The following SLC36A3 variants were observed in gnomAD, a reference collection of about 807,000 sequenced individuals.
SLC36A3 encodes solute carrier family 36 member 3, also known as proton-coupled amino acid transporter 3.
SLC36A3 carries 35 observed loss-of-function variants against 44.3 expected under a neutral mutation model. The observed-to-expected ratio is 0.79, with a 90% confidence interval of 0.60 to 1.05. The LOEUF is 1.05. SLC36A3 is among the 50% of genes least tolerant of loss of function. SLC36A3 has a pLI of 0.00. For missense variants in SLC36A3, 540 were observed against 578.7 expected (o/e 0.93, Z 0.69); for synonymous variants, 211 against 227.6 (o/e 0.93, Z 0.66).
intron 6 of SLC36A3, among the ~76,000 whole-genome samples, chr5:151,285,439 C>T (rs1382740574): frequency 6.6e-6 from 1 of 152,178 alleles, no homozygotes; most frequent in African/African-American, 2.4e-5. Flanking sequence ...ATTCAGGTCT[C>T]CTGTTTCCCA....
chr5:151,276,970 T>C lies in SLC36A3; in HGVS notation c.*423A>G. 1.1e-5 allele frequency: 2 copies of C among 183,838 alleles called. 1 individual carries two copies. Among genetic ancestry groups the C allele is most frequent in the Non-Finnish European group, 2.3e-5 (2 of 85,910 alleles). The allele number at this position is 183,838 out of a possible 1,614,324, so 11.4% of individuals were successfully genotyped here. A position where few individuals can be genotyped will look rare whatever the true frequency, so the allele number is the denominator to read the frequency against. On this transcript the variant is annotated 3_prime_UTR_variant, in exon 10 of 10. Coordinates refer to ENST00000335230, the MANE Select transcript of SLC36A3 (RefSeq NM_181774.4). ...GTTTTTGTTCTGTCTATGACTCTTC[T>C]ACTTAGAATATCTAAATAGAAAACT...
chr5:151,277,507 G>C lies in SLC36A3; in HGVS notation c.1299C>G (p.Ile433Met). The change falls in exon 10 of 10, where the codon ATC (isoleucine) becomes ATG (methionine). Residue 433 changes from isoleucine to methionine, a missense_variant. Ile to Met is a conservative substitution (Grantham distance 10). Transcript: ENST00000335230. ...CTAAAAGGCCCACGATGCTAATCAT[G>C]ATGTCCTTGGCAATGGTGACACAGC... ...DMSCVTIAKD[I>M]MISIVGLLGC... The C allele has an allele frequency of 3.1e-6, 5 of 1,614,208 alleles. 1 individual carries two copies. The South Asian group carries it at 3.3e-5, about 11-fold the overall frequency.
In SLC36A3 at chr5:151,288,376, G is replaced by C; in HGVS notation, c.489+10C>G. ...TTTTCCCCCACTCTGCCCAGAAGAG[G>C]GCTCTTTACCTGTTGTAAATTGTCT... On this transcript the variant is annotated intron_variant, in intron 5 of 9. Transcript: ENST00000335230. 1 of 1,589,964 alleles carries C rather than the reference G, an allele frequency of 6.3e-7. No individual in the cohort carries two copies. Among genetic ancestry groups the C allele is most frequent in the Non-Finnish European group, 8.6e-7 (1 of 1,167,476 alleles).
At position 151,283,929 on chromosome 5, in the gene SLC36A3, C is replaced by G. The variant is rs1754428584; in HGVS notation, c.974+115G>C. The G allele has an allele frequency of 1.3e-5, 17 of 1,317,672 alleles. 1 individual carries two copies. In the South Asian group the frequency reaches 2.8e-4, roughly 21 times the overall value. The allele number at this position is 1,317,672 out of a possible 1,614,324, so 81.6% of individuals were successfully genotyped here. ...CAGTGTGAGCAGGAGAGACATATGTCACTTCCAGTGATGGATTACCAGCTT... is the reference window on the plus strand; with the variant it reads ...CAGTGTGAGCAGGAGAGACATATGTGACTTCCAGTGATGGATTACCAGCTT... On this transcript the variant is annotated intron_variant, in intron 8 of 9. Transcript: ENST00000335230.
intron 2 of SLC36A3, chr5:151,297,282 C>T (rs536706906): frequency 6.6e-6 from 1 of 152,296 alleles, no homozygotes; most frequent in East Asian, 1.9e-4. Context: ...AGAATAAAAG[C>T]ATTGTCTTAA....
rs773570995 is a variant in SLC36A3, at chr5:151,287,286, G to A, written c.668C>T (p.Thr223Ile). The change falls in exon 6 of 10, where the codon ACC (threonine) becomes ATC (isoleucine). Residue 223 changes from threonine to isoleucine, a missense_variant. Transcript: ENST00000335230. ...AAAGATCAGAGCCATGCTCCCAAGG[G>A]TGGTGATGTTGGCCAATGTCGAGAA... Reference protein sequence around the residue: ...SVFSTLANITTLGSMALIFEY... With the variant: ...SVFSTLANITILGSMALIFEY... 3.1e-6 allele frequency: 5 copies of A among 1,614,178 alleles called. No homozygotes were observed. The highest frequency in any genetic ancestry group is 1.7e-5 in the Admixed American group (1 of 60,024).
chr5:151,285,556 A>G (rs1382915829), intron 6 of SLC36A3, among the ~76,000 whole-genome samples: 1 of 152,214 alleles, frequency 6.6e-6, no homozygotes, highest in Non-Finnish European at 1.5e-5. Flanking sequence ...ATAGATTTCT[A>G]TGGTGGGTAG....
intron 5 of SLC36A3, among the ~76,000 whole-genome samples, chr5:151,288,097 A>G (rs1754612777): frequency 6.6e-6 from 1 of 152,226 alleles, no homozygotes; most frequent in Admixed American, 6.5e-5. Flanking sequence ...AGATACTCAA[A>G]GTAAATGTCA....
chr5:151,286,097 G>C (rs1008267673), intron 6 of SLC36A3, among the ~76,000 whole-genome samples: 2 of 152,188 alleles, frequency 1.3e-5, no homozygotes, highest in African/African-American at 4.8e-5. Flanking sequence ...TGTGATAATG[G>C]AGCATGGACA....
chr5:151,291,811 T>C (rs1441249594), intron 4 of SLC36A3, among the ~76,000 whole-genome samples: 3 of 152,158 alleles, frequency 2.0e-5, no homozygotes, highest in Admixed American at 6.6e-5. Flanking sequence ...CTCTAACAGC[T>C]TGAGCATCCA....
chr5:151,286,491 CTA>C (rs1754539696), intron 6 of SLC36A3, among the ~76,000 whole-genome samples: 1 of 152,064 alleles, frequency 6.6e-6, no homozygotes, highest in South Asian at 2.1e-4. Context: ...CAGGATTTTG[CTA>C]TGTTGTCCAG....
At chr5:151,296,118 G>T (rs765775509) in intron 3 of SLC36A3, 62 bp downstream of exon 3, 36 of 1,517,792 alleles carry the variant, frequency 2.4e-5, no homozygotes, top group Non-Finnish European at 3.3e-5. Context: ...GTGGTCAAAA[G>T]AAGAGCAACA....
In SLC36A3 at chr5:151,277,281, A is replaced by G. The variant is rs1754121864; in HGVS notation, c.*112T>C. On this transcript the variant is annotated 3_prime_UTR_variant, in exon 10 of 10. Transcript: ENST00000335230. The stretch of plus-strand genomic sequence containing the variant: ...CTGCATTTCTCTTGGAAAGATAAAG[A>G]CGCCACTAATTAATATAGAGATGTT... The G allele has an allele frequency of 7.4e-7, 1 of 1,357,054 alleles. No individual in the cohort carries two copies. The highest frequency in any genetic ancestry group is 1.4e-5 in the South Asian group (1 of 71,440). The allele number at this position is 1,357,054 out of a possible 1,614,324, so 84.1% of individuals were successfully genotyped here.
intron 1 of SLC36A3, among the ~76,000 whole-genome samples, chr5:151,303,002 G>A (rs1225115457): frequency 1.3e-5 from 2 of 152,172 alleles, no homozygotes; most frequent in Non-Finnish European, 2.9e-5. Flanking sequence ...CTCATGTTGA[G>A]GGTGGCTGCT....
At chr5:151,280,769 T>G (rs1229540519) in intron 9 of SLC36A3, among the ~76,000 whole-genome samples, 1 of 152,222 alleles carries the variant, frequency 6.6e-6, no homozygotes, top group Non-Finnish European at 1.5e-5. Flanking sequence ...TGAATGATAC[T>G]TCTTCTACAA....
chr5:151,291,420 T>A (rs1754754375), intron 4 of SLC36A3, among the ~76,000 whole-genome samples: 1 of 152,266 alleles, frequency 6.6e-6, no homozygotes, highest in African/African-American at 2.4e-5. Flanking sequence ...TTTAAACTGC[T>A]ACATTCCCCT....
In SLC36A3 at chr5:151,298,398, G is replaced by A. The variant is rs375301276; in HGVS notation, c.219+195C>T. The A allele has an allele frequency of 1.0e-5, 6 of 577,750 alleles. No homozygotes were observed. In the East Asian group the frequency reaches 1.7e-4, roughly 17 times the overall value. 35.8% of individuals were successfully genotyped at this position (577,750 alleles called of 1,614,324 possible). On this transcript the variant is annotated intron_variant, in intron 2 of 9. Coordinates refer to ENST00000335230, the MANE Select transcript of SLC36A3 (RefSeq NM_181774.4). ...AGATGAGCATGGTGAGTCTTTAAGA[G>A]TAATGGTGTGCCCCCTTCAGGGATG...
chr5:151,279,822 C>A (rs116567131), intron 9 of SLC36A3, among the ~76,000 whole-genome samples: 1 of 152,180 alleles, frequency 6.6e-6, no homozygotes, highest in Middle Eastern at 3.2e-3. Context: ...TGACCCCGTA[C>A]GGAAACTTGA....
At chr5:151,287,605 C>T in intron 5 of SLC36A3, 141 bp from the exon 6 acceptor site, 1 of 778,442 alleles carries the variant, frequency 1.3e-6, no homozygotes, top group Non-Finnish European at 2.0e-6. Context: ...CATAGTAAAA[C>T]AAAATCACTA....
Sources: gnomAD v4.1 joint callset for allele counts (sites outside exome capture counted in the v4.1 genomes callset) on GRCh38, gnomAD v4.1.1 for gene constraint, MANE v1.5 for transcripts, NCBI Gene and HGNC (gene_info 2026-07-23, HGNC 2026-07-21) for gene names.